Variants in GSE1 observed in about 807,000 individuals in gnomAD.
The protein encoded by GSE1 is Gse1 coiled-coil protein, also known as genetic suppressor element 1.
Under a neutral mutation model 112.6 loss-of-function variants are expected in GSE1, and 32 were observed. The ratio of observed to expected loss-of-function variants is 0.28; its 90% CI spans 0.21 to 0.38. The LOEUF is 0.38. Ranked by LOEUF, GSE1 falls within the 10% of genes least tolerant of loss-of-function variation. The pLI is 1.00. For synonymous variants in GSE1, 1,115 were observed against 735.6 expected (o/e 1.52, Z -8.35); for missense variants, 2,348 against 1,699.2 (o/e 1.38, Z -6.71).
chr16:85,365,677 A>G (rs1277417664), intron 2 of GSE1, among the ~76,000 whole-genome samples: 1 of 152,262 alleles, frequency 6.6e-6, no homozygotes, highest in Non-Finnish European at 1.5e-5. Flanking sequence ...TAGAAGGCGA[A>G]GGTTTGTAGA....
rs201252298 is a variant in GSE1, at chr16:85,668,412, G to C, written c.3403G>C (p.Glu1135Gln). 1.6e-5 allele frequency: 25 copies of C among 1,527,026 alleles called. No homozygotes were observed. Among genetic ancestry groups the C allele is most frequent in the Non-Finnish European group, 2.0e-5 (22 of 1,108,346 alleles). The allele number at this position is 1,527,026 out of a possible 1,614,324, so 94.6% of individuals were successfully genotyped here. ...GIEAVFEAYQEHIEEQNLERQ... is the reference protein window; with the variant it reads ...GIEAVFEAYQQHIEEQNLERQ... Reference sequence around the variant, plus strand: ...CGAGGCCGTTTTTGAAGCTTACCAGGAACACATAGAAGGTAAGGGGGTGCT... The same window carrying C: ...CGAGGCCGTTTTTGAAGCTTACCAGCAACACATAGAAGGTAAGGGGGTGCT... The change falls in exon 14 of 16, where the codon GAA becomes CAA. Residue 1135 changes from glutamate (E) to glutamine (Q), a missense_variant. Transcript: ENST00000253458.
In GSE1 at chr16:85,654,284, G is replaced by T; in HGVS notation, c.433G>T (p.Gly145Cys). The change falls in exon 4 of 16, where the codon GGC becomes TGC. Residue 145 changes from glycine (G) to cysteine (C), a missense_variant. Transcript: ENST00000253458. Reference protein sequence around the residue: ...VWRSESRQDAGSRSSSGGRER... With the variant: ...VWRSESRQDACSRSSSGGRER... ...GGACGCTCTCCTCCCGCAGGATGCC[G>T]GCTCCAGGAGCAGCAGTGGAGGTCG... The T allele has an allele frequency of 6.3e-7, 1 of 1,597,096 alleles. No homozygotes were observed. Among genetic ancestry groups the T allele is most frequent in the African/African-American group, 1.3e-5 (1 of 74,304 alleles).
At chr16:85,507,796 C>A (rs936990402) in intron 2 of GSE1, among the ~76,000 whole-genome samples, 7 of 152,194 alleles carry the variant, frequency 4.6e-5, no homozygotes, top group Non-Finnish European at 1.0e-4. Context: ...GGGATGTCAG[C>A]GTGTCAATTT....
At chr16:85,665,391 C>T (rs2052761246) in intron 12 of GSE1, among the ~76,000 whole-genome samples, 1 of 152,202 alleles carries the variant, frequency 6.6e-6, no homozygotes, top group South Asian at 2.1e-4. Context: ...TCGTAGTAAC[C>T]GTTGTCCTTC....
chr16:85,583,710 T>A (rs1042520187), intron 1 of GSE1: 9 of 152,094 alleles, frequency 5.9e-5, no homozygotes, highest in Admixed American at 5.2e-4. Context: ...CTGCCTTTTG[T>A]CTTTACCCAC....
rs74528960 is a variant in GSE1, at chr16:85,187,759, C to G, written c.2283+15952C>G. Among the ~76,000 whole-genome samples, 608 of 152,340 alleles carry G rather than the reference C, an allele frequency of 4.0e-3. 1 individual carries two copies. Among genetic ancestry groups the G allele is most frequent in the Non-Finnish European group, 7.4e-3 (506 of 68,024 alleles). On this transcript the variant is annotated intron_variant, in intron 1 of 2. Transcript: ENST00000637419. ...ACACAGGGACAGGCTTGGGACCGAC[C>G]TCACAGGACTGTGGGACATGGAGCA...
chr16:85,518,202 C>CT (rs1397254254), intron 2 of GSE1, among the ~76,000 whole-genome samples: 1 of 152,232 alleles, frequency 6.6e-6, no homozygotes, highest in Non-Finnish European at 1.5e-5. Flanking sequence ...CCAGTGACGC[C>CT]TTGGTGGGGG....
chr16:85,511,931 C>T (rs1027044939), intron 2 of GSE1, among the ~76,000 whole-genome samples: 32 of 152,302 alleles, frequency 2.1e-4, no homozygotes, highest in African/African-American at 7.0e-4. Flanking sequence ...TTTTAAGCCA[C>T]TGCAGGGCAG....
At chr16:85,362,487 A>G (rs1235361197) in intron 2 of GSE1, among the ~76,000 whole-genome samples, 1 of 152,122 alleles carries the variant, frequency 6.6e-6, no homozygotes, top group Non-Finnish European at 1.5e-5. Context: ...TAGCATTACT[A>G]CTTCCCGGCC....
chr16:85,536,202 A>G (rs117626882), intron 2 of GSE1, among the ~76,000 whole-genome samples: 1 of 152,360 alleles, frequency 6.6e-6, no homozygotes, highest in Non-Finnish European at 1.5e-5. Flanking sequence ...GTTGAAGGCC[A>G]GGAAGTTCTG....
chr16:85,221,322 ACACACACACACACCCCAAGTACATG>A (rs2075388092), intron 1 of GSE1, among the ~76,000 whole-genome samples: 1 of 147,210 alleles, frequency 6.8e-6, no homozygotes, highest in African/African-American at 2.5e-5. Flanking sequence ...GCACACACAC[ACACACACACACACCCCAAGTACATG>A]CACACACACA....
chr16:85,560,678 C>G (rs2045476944), intron 1 of GSE1, among the ~76,000 whole-genome samples: 1 of 152,066 alleles, frequency 6.6e-6, no homozygotes, highest in Non-Finnish European at 1.5e-5. Flanking sequence ...AAACGGGGGT[C>G]CCTTCTCAAA....
chr16:85,516,520 A>C (rs1490351267), intron 2 of GSE1, among the ~76,000 whole-genome samples: 1 of 144,232 alleles, frequency 6.9e-6, no homozygotes, highest in Non-Finnish European at 1.5e-5. Context: ...CAGGAGGTCG[A>C]GTTTGCACTG....
intron 1 of GSE1, among the ~76,000 whole-genome samples, chr16:85,354,564 A>T (rs865822042): frequency 5.9e-5 from 9 of 152,180 alleles, no homozygotes; most frequent in South Asian, 2.1e-4. Flanking sequence ...GGGGCCTCTC[A>T]GCTTCTCTCT....
intron 1 of GSE1, among the ~76,000 whole-genome samples, chr16:85,215,518 C>G (rs1410649929): frequency 6.6e-6 from 1 of 152,064 alleles, no homozygotes; most frequent in Non-Finnish European, 1.5e-5. Context: ...CTCATTCATG[C>G]AACAAAAAAC....
intron 1 of GSE1, among the ~76,000 whole-genome samples, chr16:85,235,915 T>TC (rs2143879842): frequency 6.6e-6 from 1 of 151,970 alleles, no homozygotes; most frequent in South Asian, 2.1e-4. Flanking sequence ...GGCGCTACCT[T>TC]CCAGGAATGC....
intron 1 of GSE1, among the ~76,000 whole-genome samples, chr16:85,272,713 TGCAA>T (rs1170777564): frequency 6.6e-6 from 1 of 151,674 alleles, no homozygotes; most frequent in Non-Finnish European, 1.5e-5. Context: ...AAGCTGTCCT[TGCAA>T]GGGGGCCCTA....
chr16:85,325,960 G>C (rs1323773561), intron 1 of GSE1, among the ~76,000 whole-genome samples: 1 of 151,352 alleles, frequency 6.6e-6, no homozygotes, highest in African/African-American at 2.4e-5. Flanking sequence ...TGTTGGTCAG[G>C]CTGGTCTCGA....
chr16:85,526,820 C>A (rs536958304), intron 2 of GSE1, among the ~76,000 whole-genome samples: 1 of 152,372 alleles, frequency 6.6e-6, no homozygotes, highest in South Asian at 2.1e-4. Flanking sequence ...AACCTGTCCC[C>A]ACCGTTAACT....
Sources: gnomAD v4.1 joint callset for allele counts (sites outside exome capture counted in the v4.1 genomes callset) on GRCh38, gnomAD v4.1.1 for gene constraint, MANE v1.5 for transcripts, NCBI Gene and HGNC (gene_info 2026-07-23, HGNC 2026-07-21) for gene names.